The following IFNGR1 variants were observed in gnomAD, a reference collection of about 807,000 sequenced individuals.
IFNGR1 encodes AVP, type 2.
A neutral mutation model predicts 35.4 loss-of-function variants in IFNGR1; 23 were observed. The observed-to-expected ratio is 0.65, with a 90% CI of 0.47 to 0.92. The LOEUF (loss-of-function observed/expected upper bound fraction) is 0.92, where lower values mean the gene tolerates loss of function less well. Ranked by LOEUF, IFNGR1 falls within the 40% of genes least tolerant of loss-of-function variation. IFNGR1 has a pLI of 0.00. For synonymous variants in IFNGR1, 199 were observed against 209.5 expected, an observed-to-expected ratio of 0.95 and a Z score of 0.43; for missense variants, 533 against 583.4, an observed-to-expected ratio of 0.91 and a Z score of 0.89.
At chr6:137,205,714 A>G (rs1489236477) in intron 3 of IFNGR1, among the ~76,000 whole-genome samples, 1 of 152,206 alleles carries the variant, frequency 6.6e-6, no homozygotes, top group African/African-American at 2.4e-5. Flanking sequence ...GCATAGAAGC[A>G]GCTAAGTGAT....
Position 137,203,629 on chromosome 6 carries a change from C to G in IFNGR1, c.603G>C (p.Gln201His). The stretch of plus-strand genomic sequence containing the variant: ...TCAGTGAGGATACTGGAATCGCTAA[C>G]TGGCACTGAATCTCGTCACAATCAT... ...KEDDCDEIQC[Q>H]LAIPVSSLNS... The change falls in exon 5 of 7, where the codon CAG becomes CAC. Residue 201 changes from glutamine (Q) to histidine (H), a missense_variant. Physicochemically the swap from Gln to His is conservative, Grantham distance 24. Transcript: ENST00000367739. 6.2e-7 allele frequency: 1 copy of G among 1,612,650 alleles called. No homozygotes were observed. Among genetic ancestry groups the G allele is most frequent in the Non-Finnish European group, 8.5e-7 (1 of 1,178,814 alleles).
chr6:137,211,581 C>A (rs1779575466), intron 1 of IFNGR1, among the ~76,000 whole-genome samples: 1 of 152,194 alleles, frequency 6.6e-6, no homozygotes, highest in Admixed American at 6.5e-5. Context: ...TTGGTACCTG[C>A]CATCTCTGGT....
chr6:137,216,720 CAAAATCTAGAGAAATGCACTGA>C (rs897003826), intron 1 of IFNGR1, among the ~76,000 whole-genome samples: 3 of 152,118 alleles, frequency 2.0e-5, no homozygotes, highest in African/African-American at 4.8e-5. Context: ...GGGAACACAA[CAAAATCTAGAGAAATGCACTGA>C]AAAATCTAGA....
At chr6:137,203,052 T>C (rs1475721242) in intron 5 of IFNGR1, among the ~76,000 whole-genome samples, 1 of 152,178 alleles carries the variant, frequency 6.6e-6, no homozygotes, top group African/African-American at 2.4e-5. Flanking sequence ...ATAAACTTTT[T>C]TGGATATTAA....
At chr6:137,218,910 T>G in intron 1 of IFNGR1, 1 of 442,586 alleles carries the variant, frequency 2.3e-6, no homozygotes, top group Non-Finnish European at 4.2e-6. Context: ...TATTATAATC[T>G]TTGAGACCAC....
intron 2 of IFNGR1, chr6:137,206,662 A>T: frequency 2.5e-6 from 1 of 401,802 alleles, no homozygotes; most frequent in East Asian, 4.5e-5. Flanking sequence ...AGTTTTTTGA[A>T]ATTTATATTG....
Position 137,206,206 on chromosome 6 carries a change from T to C in IFNGR1, c.303A>G (p.Arg101=), listed in dbSNP as rs1779423361. Residue 101 remains arginine, a synonymous_variant, in exon 3 of 7, where the codon AGA becomes AGG. Transcript: ENST00000367739. ...CTTTTTGTCCAACCCTGGCTTTAAC[T>C]CTGACCCAAAGAGAATTTGATGGAT... ...VGDPSNSLWV[R]VKARVGQKES... 6.2e-7 allele frequency: 1 copy of C among 1,613,860 alleles called. No individual in the cohort carries two copies.
intron 1 of IFNGR1, among the ~76,000 whole-genome samples, chr6:137,208,826 G>C (rs868130862): frequency 6.6e-6 from 1 of 152,196 alleles, no homozygotes; most frequent in Admixed American, 6.5e-5. Context: ...CTGCCTGGTA[G>C]AGCTGTGAGA....
intron 1 of IFNGR1, among the ~76,000 whole-genome samples, chr6:137,214,209 G>A (rs1779638779): frequency 6.6e-6 from 1 of 152,154 alleles, no homozygotes; most frequent in Non-Finnish European, 1.5e-5. Context: ...CTGTCACAAA[G>A]GTTTCATCTG....
chr6:137,203,245 G>A (rs1158486385), intron 5 of IFNGR1, among the ~76,000 whole-genome samples: 1 of 152,126 alleles, frequency 6.6e-6, no homozygotes, highest in African/African-American at 2.4e-5. Context: ...GTAGTTTTAT[G>A]TACTTATTAT....
At position 137,197,709 on chromosome 6, in the gene IFNGR1, G is replaced by A. The variant is rs1472359565; in HGVS notation, c.*322C>T. 4.1e-6 allele frequency: 1 copy of A among 243,494 alleles called. No homozygotes were observed. The highest frequency in any genetic ancestry group is 2.3e-5 in the African/African-American group (1 of 43,546). The allele number at this position is 243,494 out of a possible 1,614,324, so 15.1% of individuals were successfully genotyped here. A position where few individuals can be genotyped will look rare whatever the true frequency, so the allele number is the denominator to read the frequency against. ...GCAGAGAAAAGAAAAAAAGTGAAGT[G>A]GCTACAAAGGTCCCTGGGGCATCAC... On this transcript the variant is annotated 3_prime_UTR_variant, in exon 7 of 7. Coordinates refer to ENST00000367739, the MANE Select transcript of IFNGR1 (RefSeq NM_000416.3).
At chr6:137,199,952 G>A (rs113016886) in intron 6 of IFNGR1, among the ~76,000 whole-genome samples, 1,803 of 151,886 alleles carry the variant, frequency 0.012, 39 homozygotes, top group African/African-American at 0.041. Context: ...GTATGTTTAC[G>A]TCACTATTAC....
Position 137,198,119 on chromosome 6 carries a change from T to C in IFNGR1, c.1382A>G (p.His461Arg). 6.2e-7 allele frequency: 1 copy of C among 1,614,178 alleles called. No individual in the cohort carries two copies. The highest frequency in any genetic ancestry group is 8.5e-7 in the Non-Finnish European group (1 of 1,180,012). Residue 461 changes from histidine (H) to arginine (R), a missense_variant, in exon 7 of 7, where the codon CAT (histidine) becomes CGT (arginine). By Grantham distance (29) the His-to-Arg change is conservative (BLOSUM62 0). Coordinates refer to ENST00000367739, the MANE Select transcript of IFNGR1 (RefSeq NM_000416.3). ...ATCCACAAGTAGATCCACTAGCACATGTGGTTTATCATAACCAAAGGAGGT... is the reference window on the plus strand; with the variant it reads ...ATCCACAAGTAGATCCACTAGCACACGTGGTTTATCATAACCAAAGGAGGT... The part of the protein sequence containing the change: ...APTSFGYDKP[H>R]VLVDLLVDDS...
intron 5 of IFNGR1, among the ~76,000 whole-genome samples, 178 bp from the exon 6 acceptor site, chr6:137,201,186 T>G (rs1473837634): frequency 6.6e-6 from 1 of 152,210 alleles, no homozygotes; most frequent in Non-Finnish European, 1.5e-5. Context: ...GTATCTGTCT[T>G]AGATAGCAAT....
At chr6:137,205,104 A>C (rs1236634565) in intron 3 of IFNGR1, among the ~76,000 whole-genome samples, 1 of 152,194 alleles carries the variant, frequency 6.6e-6, no homozygotes, top group African/African-American at 2.4e-5. Flanking sequence ...TCCGGCACGT[A>C]GTAGGCCCTT....
chr6:137,199,799 GATAA>G (rs1403453830), intron 6 of IFNGR1, among the ~76,000 whole-genome samples: 1 of 150,364 alleles, frequency 6.7e-6, no homozygotes, highest in Non-Finnish European at 1.5e-5. Flanking sequence ...TCTTTATACT[GATAA>G]ATAATTTAAT....
rs115970011 is a variant in IFNGR1 at position 137,205,883 on chromosome 6, C to T, written c.373+253G>A. 3.1e-3 allele frequency among the ~76,000 whole-genome samples: 473 copies of T among 152,258 alleles called. 2 individuals carry two copies. Among genetic ancestry groups the T allele is most frequent in the African/African-American group, 0.011 (445 of 41,536 alleles). On this transcript the variant is annotated intron_variant, in intron 3 of 6. Transcript: ENST00000367739. ...ACATTATATTTACCAGTTGAACATT[C>T]TAAATCTGAACATCCAAAATGCTCC... is the stretch of plus-strand genomic sequence containing the variant.
chr6:137,219,047 G>A (rs1779779495), intron 1 of IFNGR1, 196 bp downstream of exon 1: 1 of 638,244 alleles, frequency 1.6e-6, no homozygotes, highest in Non-Finnish European at 2.7e-6. Context: ...GCAGGAGAAA[G>A]GCAACCGACG....
chr6:137,203,425 G>T, intron 5 of IFNGR1, 74 bp downstream of exon 5: 1 of 812,496 alleles, frequency 1.2e-6, no homozygotes, highest in Non-Finnish European at 2.2e-6. Flanking sequence ...CTGCAAATGA[G>T]TTTGCTTTCC....
Sources: allele counts gnomAD v4.1 joint callset (sites outside exome capture counted in the v4.1 genomes callset), GRCh38; gene constraint gnomAD v4.1.1; transcripts MANE v1.5; gene names NCBI Gene and HGNC (gene_info 2026-07-23, HGNC 2026-07-21).